The following RBFOX1 variants were observed in gnomAD, a reference collection of about 807,000 sequenced individuals.
The protein encoded by RBFOX1 is RNA binding protein fox-1 homolog 1.
A neutral mutation model predicts 57.7 loss-of-function variants in RBFOX1; 8 were observed. The ratio of observed to expected loss-of-function variants is 0.14; its 90% CI spans 0.08 to 0.25. The LOEUF (loss-of-function observed/expected upper bound fraction) is 0.25. Ranked by LOEUF, RBFOX1 falls within the 10% of genes least tolerant of loss-of-function variation. The probability of loss-of-function intolerance (pLI) is 1.00; values close to 1 mark genes in which losing one functional copy is unlikely to be tolerated. For synonymous variants in RBFOX1, 326 were observed against 222.4 expected (o/e 1.47, Z -4.15); for missense variants, 611 against 548.5 (o/e 1.11, Z -1.14).
At chr16:6,738,035 C>G (rs970499267) in intron 3 of RBFOX1, among the ~76,000 whole-genome samples, 1 of 139,418 alleles carries the variant, frequency 7.2e-6, no homozygotes, top group Admixed American at 7.3e-5. Flanking sequence ...CAACAGAAAA[C>G]AAAAACACAA....
At chr16:6,755,995 C>T (rs901493418) in intron 3 of RBFOX1, among the ~76,000 whole-genome samples, 1 of 152,126 alleles carries the variant, frequency 6.6e-6, no homozygotes, top group Non-Finnish European at 1.5e-5. Flanking sequence ...TCAATAAGTG[C>T]CCACTTCTGC....
chr16:5,944,193 A>G (rs75475221), intron 4 of RBFOX1, among the ~76,000 whole-genome samples: 1 of 152,210 alleles, frequency 6.6e-6, no homozygotes, highest in Non-Finnish European at 1.5e-5. Flanking sequence ...TGTGTGAACA[A>G]TGATAAGATT....
At chr16:7,288,840 C>T (rs919026799) in intron 4 of RBFOX1, among the ~76,000 whole-genome samples, 34 of 152,306 alleles carry the variant, frequency 2.2e-4, no homozygotes, top group Non-Finnish European at 4.6e-4. Flanking sequence ...GGCTCCATCT[C>T]AAAAACTTTG....
chr16:7,264,347 C>G (rs1367175485), intron 4 of RBFOX1, among the ~76,000 whole-genome samples: 1 of 152,178 alleles, frequency 6.6e-6, no homozygotes, highest in African/African-American at 2.4e-5. Flanking sequence ...TGAGGGCCTC[C>G]AAGATCTTAT....
rs140311708 is a variant in RBFOX1 at position 5,906,063 on chromosome 16, C to A, written c.351+38728C>A. ...GGCTGTGAGTGGGGGTAGTCGCTGC[C>A]CATGTGCCCTGCTTGTTATGTTCTT... On this transcript the variant is annotated intron_variant, in intron 4 of 19. Transcript: ENST00000641259. Among the ~76,000 whole-genome samples, 481 of 152,172 alleles carry A rather than the reference C, an allele frequency of 3.2e-3. 2 individuals are homozygous for A. The highest frequency in any genetic ancestry group is 5.3e-3 in the Non-Finnish European group (360 of 68,012).
At chr16:6,267,073 C>T (rs1409744508) in intron 1 of RBFOX1, among the ~76,000 whole-genome samples, 4 of 152,142 alleles carry the variant, frequency 2.6e-5, no homozygotes, top group Non-Finnish European at 4.4e-5. Flanking sequence ...TCTATGGAAA[C>T]ATGGTGGTGT....
chr16:6,675,239 A>G lies in RBFOX1; in HGVS notation c.-16+20589A>G, dbSNP rs182846219. 1.9e-3 allele frequency among the ~76,000 whole-genome samples: 286 copies of G among 152,180 alleles called. 2 individuals are homozygous for G. The highest frequency in any genetic ancestry group is 6.6e-3 in the African/African-American group (276 of 41,514). On this transcript the variant is annotated intron_variant, in intron 3 of 15. Coordinates refer to ENST00000550418, the MANE Select transcript of RBFOX1 (RefSeq NM_018723.4). ...GTTTTAAGCAACCCAGGTTGTGGTGATTTGTTGCACCATCCCTAGGGAACT... is the reference window on the plus strand; with the variant it reads ...GTTTTAAGCAACCCAGGTTGTGGTGGTTTGTTGCACCATCCCTAGGGAACT...
chr16:5,805,905 T>G (rs970710576), intron 3 of RBFOX1, among the ~76,000 whole-genome samples: 1 of 152,136 alleles, frequency 6.6e-6, no homozygotes, highest in Non-Finnish European at 1.5e-5. Context: ...ATAGAGTGGA[T>G]AAGGACAGAG....
chr16:6,203,793 G>C (rs1430020423), intron 1 of RBFOX1, among the ~76,000 whole-genome samples: 1 of 152,126 alleles, frequency 6.6e-6, no homozygotes, highest in African/African-American at 2.4e-5. Context: ...GCAGTTTGGA[G>C]GTGGCTCAAA....
At chr16:5,331,089 G>C (rs2064741864) in intron 1 of RBFOX1, among the ~76,000 whole-genome samples, 1 of 152,142 alleles carries the variant, frequency 6.6e-6, no homozygotes, top group Non-Finnish European at 1.5e-5. Flanking sequence ...AGGAGAAAGG[G>C]GAGAGAGGGA....
chr16:6,754,600 G>A (rs549901426), intron 3 of RBFOX1, among the ~76,000 whole-genome samples: 72 of 152,188 alleles, frequency 4.7e-4, no homozygotes, highest in African/African-American at 1.7e-3. Context: ...TGCATTGGTT[G>A]TGTCTTGTTG....
intron 3 of RBFOX1, among the ~76,000 whole-genome samples, chr16:6,658,539 T>A (rs923478647): frequency 2.6e-5 from 4 of 152,112 alleles, no homozygotes; most frequent in Non-Finnish European, 5.9e-5. Flanking sequence ...AGCAATAAAA[T>A]CATTCTTCTT....
At chr16:7,013,066 T>A (rs548308093) in intron 3 of RBFOX1, among the ~76,000 whole-genome samples, 4 of 152,272 alleles carry the variant, frequency 2.6e-5, no homozygotes, top group African/African-American at 9.6e-5. Context: ...AATCCCCTTA[T>A]GAGGATCTTA....
intron 4 of RBFOX1, among the ~76,000 whole-genome samples, chr16:5,977,413 T>C (rs533383683): frequency 1.3e-5 from 2 of 152,104 alleles, no homozygotes; most frequent in Non-Finnish European, 2.9e-5. Context: ...CTACGATCCC[T>C]GGTAATGCTC....
chr16:6,344,638 T>C (rs2085079967), intron 2 of RBFOX1, among the ~76,000 whole-genome samples: 4 of 151,036 alleles, frequency 2.6e-5, no homozygotes, highest in Admixed American at 2.6e-4. Flanking sequence ...ACCTCGTGAT[T>C]TGCCTGCCTC....
At chr16:6,487,701 ATAT>A (rs1337619632) in intron 2 of RBFOX1, among the ~76,000 whole-genome samples, 7 of 4,508 alleles carry the variant, frequency 1.6e-3, no homozygotes, top group South Asian at 0.012. Context: ...AAAAAAAAAA[ATAT>A]ATATATATAT....
intron 4 of RBFOX1, among the ~76,000 whole-genome samples, chr16:7,473,192 G>T (rs561529983): frequency 6.6e-6 from 1 of 152,018 alleles, no homozygotes; most frequent in Admixed American, 6.6e-5. Context: ...CAGCCTGGGA[G>T]CATGGCAAAA....
At chr16:7,388,210 T>A (rs1037999950) in intron 4 of RBFOX1, among the ~76,000 whole-genome samples, 1 of 152,046 alleles carries the variant, frequency 6.6e-6, no homozygotes, top group Non-Finnish European at 1.5e-5. Flanking sequence ...CTTGGCAGAG[T>A]TCTACAGACA....
intron 4 of RBFOX1, among the ~76,000 whole-genome samples, chr16:7,445,670 C>T (rs909463006): frequency 3.9e-5 from 6 of 152,214 alleles, no homozygotes; most frequent in Non-Finnish European, 8.8e-5. Flanking sequence ...ACAAGATCTA[C>T]ATGGTACCAC....
Sources: gnomAD v4.1 joint callset for allele counts (sites outside exome capture counted in the v4.1 genomes callset) on GRCh38, gnomAD v4.1.1 for gene constraint, MANE v1.5 for transcripts, NCBI Gene and HGNC (gene_info 2026-07-23, HGNC 2026-07-21) for gene names.